TRHDE: variants seen among roughly 807,000 people sequenced by gnomAD.
The protein encoded by TRHDE is thyrotropin-releasing hormone-degrading ectoenzyme.
In TRHDE, 72 loss-of-function variants were observed where a neutral mutation model predicts 125.7. That is an observed-to-expected ratio of 0.57 (90% CI 0.47 to 0.70). The LOEUF is 0.70. TRHDE is among the 30% of genes least tolerant of loss of function. The pLI, the probability that TRHDE is intolerant of heterozygous loss-of-function variation, is 0.00. For missense variants in TRHDE, 1,110 were observed against 1,327.1 expected, an observed-to-expected ratio of 0.84 and a Z score of 2.54; for synonymous variants, 509 against 509.1, an observed-to-expected ratio of 1.00 and a Z score of 0.00.
intron 10 of TRHDE, among the ~76,000 whole-genome samples, chr12:72,572,435 T>C (rs1416266072): frequency 2.0e-5 from 3 of 152,282 alleles, no homozygotes; most frequent in African/African-American, 7.2e-5. Context: ...CATTTTATTA[T>C]GGTACTCATC....
At chr12:72,330,699 A>G (rs779706064) in intron 2 of TRHDE, among the ~76,000 whole-genome samples, 5 of 152,236 alleles carry the variant, frequency 3.3e-5, no homozygotes, top group Admixed American at 3.3e-4. Context: ...AGTGCTGGGA[A>G]GTAGGAAAAT....
At chr12:72,446,970 T>C (rs1489161919) in intron 3 of TRHDE, among the ~76,000 whole-genome samples, 2 of 151,994 alleles carry the variant, frequency 1.3e-5, no homozygotes, top group African/African-American at 4.8e-5. Context: ...GACAGAAAGT[T>C]AACAAGGATA....
At chr12:72,248,963 G>A (rs1471776711) in intron 2 of TRHDE, among the ~76,000 whole-genome samples, 1 of 152,016 alleles carries the variant, frequency 6.6e-6, no homozygotes, top group Non-Finnish European at 1.5e-5. Flanking sequence ...CCTCTAACAG[G>A]TTCACTTAAA....
At chr12:72,616,418 G>A (rs1299060136) in intron 12 of TRHDE, among the ~76,000 whole-genome samples, 1 of 151,996 alleles carries the variant, frequency 6.6e-6, no homozygotes, top group Non-Finnish European at 1.5e-5. Flanking sequence ...ACTATAATGG[G>A]TGTCTGTCTC....
intron 18 of TRHDE, among the ~76,000 whole-genome samples, chr12:72,661,059 A>T (rs1174660818): frequency 2.0e-5 from 3 of 152,176 alleles, no homozygotes; most frequent in African/African-American, 7.2e-5. Context: ...AGTTCCTCTT[A>T]AGATACATAT....
In TRHDE at chr12:72,575,393, A is replaced by G. The variant is rs1870943515; in HGVS notation, c.2265+5A>G. The stretch of plus-strand genomic sequence containing the variant: ...CAATTAATCCGGAATCATGAGGTAC[A>G]CTCCAGATTTGCTTATCAAAGATAA... On this transcript the variant is annotated splice_donor_5th_base_variant and intron_variant, in intron 11 of 18. Coordinates refer to ENST00000261180, the MANE Select transcript of TRHDE (RefSeq NM_013381.3). 1 of 1,613,380 alleles carries G rather than the reference A, an allele frequency of 6.2e-7. No homozygotes were observed. The highest frequency in any genetic ancestry group is 1.3e-5 in the African/African-American group (1 of 74,830).
chr12:72,487,487 T>C (rs1161490950), intron 5 of TRHDE, among the ~76,000 whole-genome samples: 1 of 152,134 alleles, frequency 6.6e-6, no homozygotes, highest in Non-Finnish European at 1.5e-5. Context: ...GATGATATTT[T>C]CAAAGTACTG....
intron 3 of TRHDE, among the ~76,000 whole-genome samples, chr12:72,408,243 T>C (rs1379121007): frequency 6.6e-6 from 1 of 152,130 alleles, no homozygotes; most frequent in Non-Finnish European, 1.5e-5. Context: ...AATTCATTCA[T>C]AAGGAAAGAG....
At chr12:72,582,787 A>C (rs527826770) in intron 12 of TRHDE, among the ~76,000 whole-genome samples, 19 of 152,218 alleles carry the variant, frequency 1.2e-4, no homozygotes, top group Non-Finnish European at 1.2e-4. Flanking sequence ...CATCACTTCA[A>C]CTGAAAACTG....
chr12:72,394,203 A>G (rs563514368), intron 3 of TRHDE, among the ~76,000 whole-genome samples: 1 of 152,302 alleles, frequency 6.6e-6, no homozygotes. Context: ...ATACTTTCTG[A>G]GCTCTCAAAT....
At chr12:72,460,529 T>C (rs1361464388) in intron 3 of TRHDE, among the ~76,000 whole-genome samples, 2 of 152,170 alleles carry the variant, frequency 1.3e-5, no homozygotes, top group African/African-American at 4.8e-5. Context: ...ATGCCCAGCC[T>C]AAATCAGTCT....
intron 9 of TRHDE, among the ~76,000 whole-genome samples, chr12:72,568,192 G>A (rs755179025): frequency 1.3e-5 from 2 of 152,050 alleles, no homozygotes; most frequent in Non-Finnish European, 2.9e-5. Flanking sequence ...CCACTGAAAT[G>A]TGTCTTAATC....
chr12:72,480,650 G>T (rs909875145), intron 5 of TRHDE, among the ~76,000 whole-genome samples: 2 of 152,048 alleles, frequency 1.3e-5, no homozygotes, highest in African/African-American at 4.8e-5. Context: ...TGCTTTCTAA[G>T]AAGAAAACAC....
At chr12:72,238,065 T>G (rs775839870) in intron 2 of TRHDE, among the ~76,000 whole-genome samples, 1 of 151,588 alleles carries the variant, frequency 6.6e-6, no homozygotes, top group Non-Finnish European at 1.5e-5. Context: ...GGCATTGACA[T>G]TGAATGAAAT....
chr12:72,213,760 C>G (rs1029449107), intron 2 of TRHDE, among the ~76,000 whole-genome samples: 6 of 152,080 alleles, frequency 3.9e-5, no homozygotes, highest in Admixed American at 2.6e-4. Context: ...TTTGTTTAAA[C>G]TTCTGTGAGC....
chr12:72,635,980 A>G (rs1289345885), intron 15 of TRHDE, among the ~76,000 whole-genome samples: 1 of 151,210 alleles, frequency 6.6e-6, no homozygotes, highest in African/African-American at 2.4e-5. Context: ...TGACTTGGCG[A>G]TGTGGGCTCT....
intron 3 of TRHDE, among the ~76,000 whole-genome samples, chr12:72,392,089 G>A (rs1217634737): frequency 6.6e-6 from 1 of 152,112 alleles, no homozygotes; most frequent in Non-Finnish European, 1.5e-5. Flanking sequence ...CCATCTATCA[G>A]CCAGGAACAG....
At chr12:72,168,933 G>A (rs1056820930) in intron 2 of TRHDE, among the ~76,000 whole-genome samples, 20 of 152,134 alleles carry the variant, frequency 1.3e-4, no homozygotes, top group African/African-American at 4.8e-4. Context: ...ACAGAAAAGA[G>A]ACCTTTAATA....
chr12:72,637,712 C>G (rs1174301260), intron 15 of TRHDE, among the ~76,000 whole-genome samples: 4 of 152,090 alleles, frequency 2.6e-5, no homozygotes, highest in Non-Finnish European at 4.4e-5. Flanking sequence ...TGTCTTTGTT[C>G]TTGTTGGTTT....
Sources: allele counts gnomAD v4.1 joint callset (sites outside exome capture counted in the v4.1 genomes callset), GRCh38; gene constraint gnomAD v4.1.1; transcripts MANE v1.5; gene names NCBI Gene and HGNC (gene_info 2026-07-23, HGNC 2026-07-21).